IGSF5: variants seen among roughly 807,000 people sequenced by gnomAD.
IGSF5 encodes immunoglobulin superfamily 5 like.
IGSF5 carries 41 observed loss-of-function variants against 39.4 expected under a neutral mutation model. The ratio of observed to expected loss-of-function variants is 1.04; its 90% CI spans 0.81 to 1.35. IGSF5 has a LOEUF of 1.35. Among genes scored for constraint, IGSF5 ranks in the 40% most tolerant of loss-of-function variants. IGSF5 has a pLI of 0.00. For missense variants in IGSF5, 487 were observed against 494.6 expected (o/e 0.98, Z 0.15); for synonymous variants, 183 against 175.3 (o/e 1.04, Z -0.34).
chr21:39,796,094 G>C (rs146448157), intron 8 of IGSF5, among the ~76,000 whole-genome samples: 1 of 152,146 alleles, frequency 6.6e-6, no homozygotes, highest in African/African-American at 2.4e-5. Context: ...ACCATGGGCC[G>C]TGTTTCCTGG....
At chr21:39,729,270 C>A in the IGSF5 span, 1 of 152,288 alleles carries the variant, frequency 6.6e-6, no homozygotes, top group South Asian at 2.1e-4. Flanking sequence ...GTGAGAAAAG[C>A]GAAAGAGAAG....
chr21:39,760,159 C>T (rs2080053998), intron 2 of IGSF5, among the ~76,000 whole-genome samples: 1 of 152,174 alleles, frequency 6.6e-6, no homozygotes, highest in Admixed American at 6.5e-5. Context: ...TCCCAGACCT[C>T]TCCTTGCCAC....
chr21:39,763,202 C>T (rs930798655), intron 2 of IGSF5, among the ~76,000 whole-genome samples: 4 of 152,162 alleles, frequency 2.6e-5, no homozygotes, highest in Non-Finnish European at 4.4e-5. Flanking sequence ...CTAGCAAGGA[C>T]ATTAACTGTC....
intron 6 of IGSF5, among the ~76,000 whole-genome samples, chr21:39,788,410 T>C (rs1479128129): frequency 6.6e-6 from 1 of 152,214 alleles, no homozygotes; most frequent in African/African-American, 2.4e-5. Flanking sequence ...ACTGCCTACC[T>C]TTGACTTGCT....
upstream of IGSF5, among the ~76,000 whole-genome samples, chr21:39,741,342 C>G (rs1023742815): frequency 6.6e-6 from 1 of 152,198 alleles, no homozygotes; most frequent in Admixed American, 6.5e-5. Flanking sequence ...AAGGAACCCT[C>G]TTAGTTGCTT....
the IGSF5 span, among the ~76,000 whole-genome samples, chr21:39,718,633 T>G: frequency 3.1e-3 from 477 of 152,370 alleles, 5 homozygotes; most frequent in Middle Eastern, 0.01. Context: ...TTAGTTCTAT[T>G]TATGTGATGA....
At chr21:39,727,126 G>A in the IGSF5 span, among the ~76,000 whole-genome samples, 1 of 152,192 alleles carries the variant, frequency 6.6e-6, no homozygotes, top group Non-Finnish European at 1.5e-5. Flanking sequence ...TTGGAAGTAG[G>A]ATTGGTTGCT....
chr21:39,790,969 T>C (rs899256785), intron 6 of IGSF5, among the ~76,000 whole-genome samples: 3 of 152,238 alleles, frequency 2.0e-5, no homozygotes, highest in African/African-American at 7.2e-5. Context: ...GATGTGTGTA[T>C]GTTATATGCA....
intron 8 of IGSF5, among the ~76,000 whole-genome samples, chr21:39,797,411 A>G (rs1301332004): frequency 6.6e-6 from 1 of 151,860 alleles, no homozygotes; most frequent in Non-Finnish European, 1.5e-5. Flanking sequence ...TAGAGACAGC[A>G]TTTCACCATG....
chr21:39,731,985 G>T, the IGSF5 span, among the ~76,000 whole-genome samples: 2 of 152,120 alleles, frequency 1.3e-5, no homozygotes, highest in Non-Finnish European at 2.9e-5. Context: ...ATTTGCTCCC[G>T]GAATCCAGCA....
At position 39,756,881 on chromosome 21, in the gene IGSF5, G is replaced by C. The variant is rs1484668697; in HGVS notation, c.101-8654G>C. Among the ~76,000 whole-genome samples the C allele has an allele frequency of 3.3e-5, 5 of 152,018 alleles. No homozygotes were observed. The South Asian group carries it at 8.3e-4, about 25-fold the overall frequency. On this transcript the variant is annotated intron_variant, in intron 2 of 8. Transcript: ENST00000380588. ...AAGAACAAAGGGGGTTGGAAGGAAG[G>C]AACAAGAGGTATACATGGCAGAATC...
rs141389311 is a variant in IGSF5, at chr21:39,788,314, C to T, written c.956+126C>T. The T allele has an allele frequency of 7.8e-4, 554 of 707,796 alleles. 2 individuals carry two copies. The African/African-American group carries it at 8.7e-3, about 11-fold the overall frequency. 43.8% of individuals were successfully genotyped at this position (707,796 alleles called of 1,614,324 possible). A position where few individuals can be genotyped will look rare whatever the true frequency, so the allele number is the denominator to read the frequency against. ...ATTTATGTTATCCAGAATTAAGTACCAGAGGTAGACAATGCTGAAAAACAC... is the reference window on the plus strand; with the variant it reads ...ATTTATGTTATCCAGAATTAAGTACTAGAGGTAGACAATGCTGAAAAACAC... On this transcript the variant is annotated intron_variant, in intron 6 of 8. Transcript: ENST00000380588.
the IGSF5 span, chr21:39,729,825 C>A: frequency 6.6e-6 from 1 of 152,196 alleles, no homozygotes; most frequent in African/African-American, 2.4e-5. Context: ...ATCCCAACAA[C>A]CACTGAGCCT....
chr21:39,797,963 C>T (rs367913197), intron 8 of IGSF5, among the ~76,000 whole-genome samples: 29 of 151,708 alleles, frequency 1.9e-4, no homozygotes, highest in South Asian at 1.0e-3. Flanking sequence ...TGCCTTTCCA[C>T]GCCTTTGTGA....
intron 2 of IGSF5, among the ~76,000 whole-genome samples, chr21:39,748,301 C>CTTTTT (rs60669244): frequency 0.026 from 1,540 of 58,200 alleles, 438 homozygotes; most frequent in East Asian, 0.05. Context: ...AAAACAAGAT[C>CTTTTT]TTTTTTTTTT....
At chr21:39,791,404 T>C (rs894628846) in intron 6 of IGSF5, among the ~76,000 whole-genome samples, 6 of 152,232 alleles carry the variant, frequency 3.9e-5, no homozygotes, top group Non-Finnish European at 5.9e-5. Context: ...CAAGTGTGAC[T>C]ATTTAAAATT....
the IGSF5 span, among the ~76,000 whole-genome samples, chr21:39,728,641 T>C: frequency 6.6e-6 from 1 of 152,184 alleles, no homozygotes; most frequent in African/African-American, 2.4e-5. Flanking sequence ...TCCAATAAAC[T>C]GCCTGGTCAC....
the IGSF5 span, among the ~76,000 whole-genome samples, chr21:39,718,209 C>G: frequency 6.6e-6 from 1 of 152,082 alleles, no homozygotes; most frequent in Non-Finnish European, 1.5e-5. Context: ...TATCTTGCAA[C>G]TTTGCTGAAG....
chr21:39,788,968 T>C (rs1288712710), intron 6 of IGSF5, among the ~76,000 whole-genome samples: 1 of 152,208 alleles, frequency 6.6e-6, no homozygotes, highest in Non-Finnish European at 1.5e-5. Context: ...ACAATCACCA[T>C]GTGGCAAAGG....
Sources: gnomAD v4.1 joint callset for allele counts (sites outside exome capture counted in the v4.1 genomes callset) on GRCh38, gnomAD v4.1.1 for gene constraint, MANE v1.5 for transcripts, NCBI Gene and HGNC (gene_info 2026-07-23, HGNC 2026-07-21) for gene names.